Variants in SUGCT observed in about 807,000 individuals in gnomAD.
SUGCT encodes the protein succinyl-CoA:glutarate CoA-transferase.
Under a neutral mutation model 55.0 loss-of-function variants are expected in SUGCT, and 41 were observed. The observed-to-expected ratio is 0.74, with a 90% CI of 0.58 to 0.97. The LOEUF (loss-of-function observed/expected upper bound fraction) is 0.97. Ranked by LOEUF, SUGCT falls within the 50% of genes least tolerant of loss-of-function variation. The pLI is 0.00. For synonymous variants in SUGCT, 187 were observed against 200.4 expected (o/e 0.93, Z 0.56); for missense variants, 568 against 547.8 (o/e 1.04, Z -0.37).
intron 1 of SUGCT, among the ~76,000 whole-genome samples, chr7:40,148,510 G>A (rs1484230831): frequency 6.6e-6 from 1 of 152,142 alleles, no homozygotes; most frequent in African/African-American, 2.4e-5. Flanking sequence ...CGGGTTTGCT[G>A]GCACATGCCT....
At position 40,391,603 on chromosome 7, in the gene SUGCT, C is replaced by T. The variant is rs1005963518; in HGVS notation, c.817-57684C>T. Among the ~76,000 whole-genome samples, 12 of 151,990 alleles carry T rather than the reference C, an allele frequency of 7.9e-5. No individual in the cohort carries two copies. The South Asian group carries it at 1.0e-3, about 13-fold the overall frequency. On this transcript the variant is annotated intron_variant, in intron 9 of 13. Coordinates refer to ENST00000335693, the MANE Select transcript of SUGCT (RefSeq NM_001193313.2). ...AGTGAGATACCATCTCACACCAGTT[C>T]GAATAGTGATCATTAAAAAGTCAGG...
chr7:40,267,190 T>A (rs1791644664), intron 7 of SUGCT, among the ~76,000 whole-genome samples: 1 of 152,184 alleles, frequency 6.6e-6, no homozygotes, highest in South Asian at 2.1e-4. Flanking sequence ...TCTTAAGTGT[T>A]AACTAGAGAC....
intron 9 of SUGCT, among the ~76,000 whole-genome samples, chr7:40,410,421 A>G (rs551851302): frequency 3.4e-4 from 52 of 152,218 alleles, no homozygotes; most frequent in South Asian, 1.0e-3. Context: ...TTCAGCTTCC[A>G]GATTTGTTGT....
chr7:40,718,542 T>G (rs1203733), intron 12 of SUGCT, among the ~76,000 whole-genome samples: 49,995 of 152,098 alleles, frequency 0.33, 8,626 homozygotes, highest in African/African-American at 0.45. Flanking sequence ...TATGGCTTAT[T>G]TGTCAAACAT....
intron 12 of SUGCT, among the ~76,000 whole-genome samples, chr7:40,511,667 C>T (rs1347176976): frequency 6.6e-6 from 1 of 152,084 alleles, no homozygotes; most frequent in Non-Finnish European, 1.5e-5. Flanking sequence ...TAACACAAAA[C>T]AAATTTCATT....
At chr7:40,572,718 G>A (rs1420423532) in intron 12 of SUGCT, among the ~76,000 whole-genome samples, 1 of 152,102 alleles carries the variant, frequency 6.6e-6, no homozygotes, top group Non-Finnish European at 1.5e-5. Context: ...TTAGGAATAA[G>A]CAGCTAAATT....
At chr7:40,904,856 TC>T in the SUGCT span, among the ~76,000 whole-genome samples, 3 of 152,214 alleles carry the variant, frequency 2.0e-5, no homozygotes, top group Non-Finnish European at 2.9e-5. Flanking sequence ...ATAGTTAACT[TC>T]CTATTCTTTC....
chr7:40,476,344 A>C (rs182245318), intron 11 of SUGCT, among the ~76,000 whole-genome samples: 85 of 152,294 alleles, frequency 5.6e-4, no homozygotes, highest in Admixed American at 3.4e-3. Flanking sequence ...GTGGAGCACC[A>C]CATACTCTCT....
At chr7:40,648,603 A>T (rs1800634059) in intron 12 of SUGCT, among the ~76,000 whole-genome samples, 2 of 152,244 alleles carry the variant, frequency 1.3e-5, no homozygotes, top group African/African-American at 2.4e-5. Context: ...GTCATAGTTG[A>T]TTAGGGTTGG....
intron 11 of SUGCT, among the ~76,000 whole-genome samples, chr7:40,466,288 C>T (rs1790106578): frequency 2.6e-5 from 4 of 152,206 alleles, no homozygotes; most frequent in Non-Finnish European, 5.9e-5. Flanking sequence ...CTGGGTCACA[C>T]AGAACCCAGT....
chr7:40,323,885 C>T lies in SUGCT; in HGVS notation c.816+7030C>T, dbSNP rs887555508. Among the ~76,000 whole-genome samples the T allele has an allele frequency of 3.3e-5, 5 of 152,238 alleles. No individual in the cohort carries two copies. The East Asian group carries it at 9.7e-4, about 29-fold the overall frequency. On this transcript the variant is annotated intron_variant, in intron 9 of 13. Transcript: ENST00000335693. ...CATCTCTCTCAAGTGGCCCCTCGGG[C>T]TTACCCAGAAATCCTGCCACCTTTA...
intron 11 of SUGCT, among the ~76,000 whole-genome samples, chr7:40,478,192 G>A (rs1339331537): frequency 1.3e-5 from 2 of 151,888 alleles, no homozygotes; most frequent in Non-Finnish European, 2.9e-5. Flanking sequence ...TTTTTCCAGA[G>A]ACAGGGTCTT....
At chr7:40,501,663 T>C (rs1792287711) in intron 12 of SUGCT, among the ~76,000 whole-genome samples, 1 of 152,082 alleles carries the variant, frequency 6.6e-6, no homozygotes, top group Non-Finnish European at 1.5e-5. Context: ...CAGTAAATCA[T>C]CATTGACATC....
At chr7:40,398,088 TTTTTC>T (rs774728811) in intron 9 of SUGCT, among the ~76,000 whole-genome samples, 5 of 152,118 alleles carry the variant, frequency 3.3e-5, no homozygotes, top group African/African-American at 1.2e-4. Context: ...CTCTATTTCT[TTTTTC>T]TTTTCTTTTC....
At chr7:40,267,324 G>A (rs879664649) in intron 7 of SUGCT, among the ~76,000 whole-genome samples, 2 of 152,014 alleles carry the variant, frequency 1.3e-5, no homozygotes, top group African/African-American at 2.4e-5. Context: ...ATTTAAAACC[G>A]TTTCTGAGTG....
intron 12 of SUGCT, among the ~76,000 whole-genome samples, chr7:40,686,409 TTAATC>T (rs1396815474): frequency 6.6e-6 from 1 of 152,176 alleles, no homozygotes; most frequent in Non-Finnish European, 1.5e-5. Flanking sequence ...ATGAAAAACA[TTAATC>T]TATATATATA....
At chr7:40,893,885 A>G in the SUGCT span, among the ~76,000 whole-genome samples, 3 of 151,932 alleles carry the variant, frequency 2.0e-5, no homozygotes. Context: ...ACATGGCAAA[A>G]CCCCATCTCT....
the SUGCT span, among the ~76,000 whole-genome samples, chr7:40,906,858 G>A: frequency 6.6e-6 from 1 of 152,114 alleles, no homozygotes; most frequent in Non-Finnish European, 1.5e-5. Context: ...AAATAGATGG[G>A]AATTATAATT....
chr7:40,665,827 T>A (rs1348831331), intron 12 of SUGCT, among the ~76,000 whole-genome samples: 1 of 152,146 alleles, frequency 6.6e-6, no homozygotes, highest in Non-Finnish European at 1.5e-5. Context: ...TTATTTATTT[T>A]GAAATTTAAT....
Sources: gnomAD v4.1 joint callset for allele counts (sites outside exome capture counted in the v4.1 genomes callset) on GRCh38, gnomAD v4.1.1 for gene constraint, MANE v1.5 for transcripts, NCBI Gene and HGNC (gene_info 2026-07-23, HGNC 2026-07-21) for gene names.